Variants in KCTD16 observed in about 807,000 individuals in gnomAD.
The protein encoded by KCTD16 is potassium channel tetramerization domain containing 16, also known as BTB/POZ domain-containing protein KCTD16.
KCTD16 carries 13 observed loss-of-function variants against 33.2 expected under a neutral mutation model. The ratio of observed to expected loss-of-function variants is 0.39; its 90% CI spans 0.25 to 0.62. The LOEUF is 0.62. Ranked by LOEUF, KCTD16 falls within the 20% of genes least tolerant of loss-of-function variation. KCTD16 has a pLI of 0.50. For synonymous variants in KCTD16, 197 were observed against 195.3 expected, an observed-to-expected ratio of 1.01 and a Z score of -0.07; for missense variants, 441 against 525.1, an observed-to-expected ratio of 0.84 and a Z score of 1.57.
chr5:144,194,115 C>T (rs762255791), intron 2 of KCTD16, among the ~76,000 whole-genome samples: 6 of 151,840 alleles, frequency 4.0e-5, no homozygotes, highest in South Asian at 2.1e-4. Context: ...GATGGTTCAC[C>T]GAGACTGAAT....
At chr5:144,318,653 A>C (rs970925295) in intron 3 of KCTD16, among the ~76,000 whole-genome samples, 7 of 152,176 alleles carry the variant, frequency 4.6e-5, no homozygotes, top group Non-Finnish European at 8.8e-5. Context: ...CATGTATCTC[A>C]TCGGCCCTGC....
intron 3 of KCTD16, among the ~76,000 whole-genome samples, chr5:144,397,441 T>C (rs1377680588): frequency 4.6e-5 from 7 of 152,150 alleles, no homozygotes; most frequent in African/African-American, 1.7e-4. Context: ...ATATACCCAG[T>C]AATGGGATGG....
chr5:144,403,253 T>C (rs2126947793), intron 3 of KCTD16, among the ~76,000 whole-genome samples: 1 of 152,364 alleles, frequency 6.6e-6, no homozygotes, highest in Non-Finnish European at 1.5e-5. Context: ...TCCTAACCTC[T>C]GGTACCTATG....
chr5:144,337,843 A>T (rs938505372), intron 3 of KCTD16, among the ~76,000 whole-genome samples: 1 of 151,950 alleles, frequency 6.6e-6, no homozygotes, highest in Non-Finnish European at 1.5e-5. Flanking sequence ...TTAGAGCCAG[A>T]GTGTCTAGGT....
In KCTD16 at chr5:144,397,991, C is replaced by T. The variant is rs144147120; in HGVS notation, c.833-75669C>T. ...AGCATGTCAGGTGAAGTCTTCAATC[C>T]CAGATCTTGCTCTAGCAGCTGTTTG... On this transcript the variant is annotated intron_variant, in intron 3 of 3. Transcript: ENST00000512467. Among the ~76,000 whole-genome samples, 888 of 152,184 alleles carry T rather than the reference C, an allele frequency of 5.8e-3. 2 individuals are homozygous for T. The highest frequency in any genetic ancestry group is 9.8e-3 in the Non-Finnish European group (665 of 68,010).
chr5:144,453,281 C>G (rs1753988072), intron 3 of KCTD16, among the ~76,000 whole-genome samples: 1 of 152,076 alleles, frequency 6.6e-6, no homozygotes, highest in South Asian at 2.1e-4. Context: ...CCCCAACAAG[C>G]CTGTATAGCT....
chr5:144,201,791 G>T (rs1053451647), intron 2 of KCTD16, among the ~76,000 whole-genome samples: 3 of 152,170 alleles, frequency 2.0e-5, no homozygotes, highest in African/African-American at 7.2e-5. Flanking sequence ...GATAATGCAG[G>T]AATCCTTGGG....
intron 3 of KCTD16, among the ~76,000 whole-genome samples, chr5:144,223,974 G>A (rs1219385806): frequency 6.6e-6 from 1 of 151,962 alleles, no homozygotes. Context: ...CGACCCAGAT[G>A]TTCTAAATAA....
rs576161036 is a variant in KCTD16 at position 144,228,947 on chromosome 5, A to G, written c.832+21401A>G. ...GAGGAAGGAAGTATTTGAAGTTTGA[A>G]GAGAGAAGACCATATAAAATAGTAG... On this transcript the variant is annotated intron_variant, in intron 3 of 3. Transcript: ENST00000512467. Among the ~76,000 whole-genome samples the G allele has an allele frequency of 5.3e-3, 815 of 152,352 alleles. 1 individual carries two copies. Among genetic ancestry groups the G allele is most frequent in the Middle Eastern group, 0.01 (3 of 294 alleles).
chr5:144,398,732 T>TC (rs773725543), intron 3 of KCTD16, among the ~76,000 whole-genome samples: 4 of 151,370 alleles, frequency 2.6e-5, no homozygotes, highest in Admixed American at 1.3e-4. Flanking sequence ...TCTCTCTCTC[T>TC]TATATAAATG....
chr5:144,247,073 G>A (rs899753767), intron 3 of KCTD16, among the ~76,000 whole-genome samples: 1 of 152,160 alleles, frequency 6.6e-6, no homozygotes, highest in Admixed American at 6.5e-5. Context: ...ACTTATTCTA[G>A]TTTCTGTGGG....
At position 144,267,196 on chromosome 5, in the gene KCTD16, C is replaced by T. The variant is rs190166528; in HGVS notation, c.832+59650C>T. ...GATGAATAAGATTGGCTAAGTGGTACAAGAGTGAGATCTGTGTCAGATGGC... is the reference window on the plus strand; with the variant it reads ...GATGAATAAGATTGGCTAAGTGGTATAAGAGTGAGATCTGTGTCAGATGGC... On this transcript the variant is annotated intron_variant, in intron 3 of 3. Coordinates refer to ENST00000512467, the MANE Select transcript of KCTD16 (RefSeq NM_020768.4). Among the ~76,000 whole-genome samples, 582 of 152,250 alleles carry T rather than the reference C, an allele frequency of 3.8e-3. 3 individuals carry two copies. The highest frequency in any genetic ancestry group is 0.01 in the Middle Eastern group (3 of 294).
intron 3 of KCTD16, among the ~76,000 whole-genome samples, chr5:144,287,561 C>G (rs979256448): frequency 1.3e-5 from 2 of 152,106 alleles, no homozygotes; most frequent in Non-Finnish European, 2.9e-5. Context: ...AGTTGGTTGT[C>G]AGGTTCTATG....
intron 3 of KCTD16, among the ~76,000 whole-genome samples, chr5:144,468,128 G>A (rs1236132047): frequency 6.6e-6 from 1 of 152,090 alleles, no homozygotes; most frequent in South Asian, 2.1e-4. Flanking sequence ...GCACCAGCAG[G>A]CCACATGCCC....
intron 3 of KCTD16, among the ~76,000 whole-genome samples, chr5:144,208,325 C>A (rs931566772): frequency 6.6e-5 from 10 of 152,142 alleles, no homozygotes; most frequent in Non-Finnish European, 1.3e-4. Context: ...GATACTGAAG[C>A]CTTTTAAGTA....
In KCTD16 at chr5:144,177,995, A is replaced by C. The variant is rs192555863; in HGVS notation, c.-327+3523A>C. Reference sequence around the variant, plus strand: ...GCAGAGTGGCAAACCTTTTGAATCAAATCTGTAGCAATGGAGACTTCAACT... The same window carrying C: ...GCAGAGTGGCAAACCTTTTGAATCACATCTGTAGCAATGGAGACTTCAACT... On this transcript the variant is annotated intron_variant, in intron 2 of 3. Coordinates refer to ENST00000512467, the MANE Select transcript of KCTD16 (RefSeq NM_020768.4). Among the ~76,000 whole-genome samples the C allele has an allele frequency of 2.8e-3, 421 of 152,302 alleles. 6 individuals are homozygous for C. The highest frequency in any genetic ancestry group is 9.3e-3 in the African/African-American group (386 of 41,562).
At chr5:144,286,246 A>G (rs919942782) in intron 3 of KCTD16, among the ~76,000 whole-genome samples, 3 of 152,130 alleles carry the variant, frequency 2.0e-5, no homozygotes, top group South Asian at 2.1e-4. Context: ...TCTAAAAAAT[A>G]TCTTCACTTT....
chr5:144,393,124 C>T (rs902958707), intron 3 of KCTD16, among the ~76,000 whole-genome samples: 18 of 152,128 alleles, frequency 1.2e-4, no homozygotes, highest in Non-Finnish European at 2.4e-4. Flanking sequence ...CTTTTTATAG[C>T]ACTTAGCACT....
At chr5:144,344,609 C>A (rs1169302304) in intron 3 of KCTD16, among the ~76,000 whole-genome samples, 1 of 151,420 alleles carries the variant, frequency 6.6e-6, no homozygotes, top group Non-Finnish European at 1.5e-5. Context: ...AAAAAATGCT[C>A]ACCATCACTG....
Sources: allele counts gnomAD v4.1 joint callset (sites outside exome capture counted in the v4.1 genomes callset), GRCh38; gene constraint gnomAD v4.1.1; transcripts MANE v1.5; gene names NCBI Gene and HGNC (gene_info 2026-07-23, HGNC 2026-07-21).